The following PHF3 variants were observed in gnomAD, a reference collection of about 807,000 sequenced individuals.
The protein encoded by PHF3 is PHD finger protein 3.
A neutral mutation model predicts 178.4 loss-of-function variants in PHF3; 41 were observed. That is an observed-to-expected ratio of 0.23 (90% CI 0.18 to 0.30). The LOEUF (loss-of-function observed/expected upper bound fraction) is 0.30, where lower values mean the gene tolerates loss of function less well. PHF3 is among the 10% of genes least tolerant of loss of function. The pLI is 1.00. For synonymous variants in PHF3, 842 were observed against 800.5 expected (o/e 1.05, Z -0.88); for missense variants, 2,346 against 2,398.1 (o/e 0.98, Z 0.45).
chr6:63,642,716 A>C (rs1480786895), intron 1 of PHF3, among the ~76,000 whole-genome samples: 2 of 152,132 alleles, frequency 1.3e-5, no homozygotes, highest in Non-Finnish European at 2.9e-5. Flanking sequence ...TGGGCTTCCT[A>C]TGTTTTATTA....
Position 63,703,688 on chromosome 6 carries a change from C to T in PHF3, c.3367+17C>T, listed in dbSNP as rs1287436525. On this transcript the variant is annotated intron_variant, in intron 11 of 15. Transcript: ENST00000262043. Reference sequence around the variant, plus strand: ...TCTGCATAGGTAATTGGAAGTTTTTCTTCGTAAAATTTTGCATTCATTATG... The same window carrying T: ...TCTGCATAGGTAATTGGAAGTTTTTTTTCGTAAAATTTTGCATTCATTATG... 1 of 1,581,234 alleles carries T rather than the reference C, an allele frequency of 6.3e-7. No individual in the cohort carries two copies. The highest frequency in any genetic ancestry group is 2.3e-5 in the East Asian group (1 of 43,592).
At position 63,655,040 on chromosome 6, in the gene PHF3, T is replaced by C. The variant is rs1197984; in HGVS notation, c.244+8245T>C. Reference sequence around the variant, plus strand: ...TGCCTAGTTGTTGGGACTACAGGTGTGTGCTGCCACGCCCTGCTAATTATT... The same window carrying C: ...TGCCTAGTTGTTGGGACTACAGGTGCGTGCTGCCACGCCCTGCTAATTATT... On this transcript the variant is annotated intron_variant, in intron 2 of 15. Coordinates refer to ENST00000262043, the MANE Select transcript of PHF3 (RefSeq NM_001370348.2). 6.4e-3 allele frequency among the ~76,000 whole-genome samples: 965 copies of C among 151,964 alleles called. 9 individuals are homozygous for C. The highest frequency in any genetic ancestry group is 0.022 in the African/African-American group (902 of 41,456).
At position 63,725,563 on chromosome 6, in the gene PHF3, T is replaced by G. The variant is rs546455410; in HGVS notation, c.*11855T>G. ...TTGACATTTTCACAGGGAGATTTAA[T>G]CATGAATTTAAAACCAAATATCTCA... is the stretch of plus-strand genomic sequence containing the variant. On this transcript the variant is annotated 3_prime_UTR_variant, in exon 16 of 16. Transcript: ENST00000262043. Among the ~76,000 whole-genome samples, 93 of 152,274 alleles carry G rather than the reference T, an allele frequency of 6.1e-4. No homozygotes were observed. The highest frequency in any genetic ancestry group is 1.2e-3 in the Non-Finnish European group (81 of 67,984).
At chr6:63,679,359 G>C (rs1289839579) in intron 2 of PHF3, among the ~76,000 whole-genome samples, 1 of 151,880 alleles carries the variant, frequency 6.6e-6, no homozygotes, top group African/African-American at 2.4e-5. Flanking sequence ...TCTCTCTTTT[G>C]ACTAGGAGAA....
chr6:63,680,302 A>AT, intron 3 of PHF3, 141 bp downstream of exon 3: 1 of 673,332 alleles, frequency 1.5e-6, no homozygotes, highest in Non-Finnish European at 2.3e-6. Context: ...TTTTGAGATC[A>AT]TATCAATTTG....
rs1402503995 is a variant in PHF3 at position 63,712,423 on chromosome 6, A to G, written c.4835A>G (p.Asn1612Ser). Residue 1612 changes from asparagine to serine, a missense_variant, in exon 16 of 16, where the codon AAT becomes AGT. Asn to Ser is a conservative substitution (Grantham distance 46, BLOSUM62 1). Transcript: ENST00000262043. ...AATTTGCAAGATAACCAGACTTCAAATAGTTCTCCATGCAGATCTAATGTA... is the reference window on the plus strand; with the variant it reads ...AATTTGCAAGATAACCAGACTTCAAGTAGTTCTCCATGCAGATCTAATGTA... ...ENNLQDNQTS[N>S]SSPCRSNVGK... The G allele has an allele frequency of 3.1e-6, 5 of 1,614,002 alleles. No homozygotes were observed. The South Asian group carries it at 4.4e-5, about 14-fold the overall frequency.
At position 63,712,355 on chromosome 6, in the gene PHF3, A is replaced by G. The variant is rs1767983179; in HGVS notation, c.4767A>G (p.Lys1589=). The G allele has an allele frequency of 3.7e-6, 6 of 1,613,754 alleles. No individual in the cohort carries two copies. The highest frequency in any genetic ancestry group is 5.1e-6 in the Non-Finnish European group (6 of 1,179,920). The change falls in exon 16 of 16, where the codon AAA becomes AAG. Residue 1589 remains lysine, a synonymous_variant. Transcript: ENST00000262043. The stretch of plus-strand genomic sequence containing the variant: ...AACAAGAGGAAACTGTGGAGAGTAA[A>G]GAGAAAACATTAAAAAGACAGCTTC... ...QSKQEETVES[K]EKTLKRQLQE...
At position 63,712,507 on chromosome 6, in the gene PHF3, C is replaced by T. The variant is rs377278683; in HGVS notation, c.4919C>T (p.Ala1640Val). 46 of 1,613,656 alleles carry T rather than the reference C, an allele frequency of 2.9e-5. No individual in the cohort carries two copies. The highest frequency in any genetic ancestry group is 3.4e-5 in the Non-Finnish European group (40 of 1,179,902). ...SCSENLVANTARSPQFINLKR... is the reference protein window; with the variant it reads ...SCSENLVANTVRSPQFINLKR... ...AGTGAAAACCTTGTTGCTAATACAGCGAGGTCTCCACAGTTTATCAACCTG... is the reference window on the plus strand; with the variant it reads ...AGTGAAAACCTTGTTGCTAATACAGTGAGGTCTCCACAGTTTATCAACCTG... Residue 1640 changes from alanine to valine, a missense_variant, in exon 16 of 16, where the codon GCG becomes GTG. By Grantham distance (64) the Ala-to-Val change is moderately conservative. Coordinates refer to ENST00000262043, the MANE Select transcript of PHF3 (RefSeq NM_001370348.2).
intron 2 of PHF3, among the ~76,000 whole-genome samples, chr6:63,671,533 T>C (rs960027564): frequency 4.6e-5 from 7 of 152,198 alleles, no homozygotes; most frequent in Non-Finnish European, 7.3e-5. Flanking sequence ...CTCTCAAACA[T>C]TGAGAGTAGC....
rs1270198704 is a variant in PHF3, at chr6:63,720,601, T to TAA, written c.*6894_*6895dup. The TAA allele has an allele frequency of 1.4e-6, 2 of 1,473,974 alleles. No homozygotes were observed. The highest frequency in any genetic ancestry group is 1.8e-6 in the Non-Finnish European group (2 of 1,108,240). 91.3% of individuals were successfully genotyped at this position (1,473,974 alleles called of 1,614,324 possible). A position where few individuals can be genotyped will look rare whatever the true frequency, so the allele number is the denominator to read the frequency against. ...CTAAAATCTCTAGTGTTAACTTATGTAACCTCATTTTGTTCATCTCCATCA... is the reference window on the plus strand; with the variant it reads ...CTAAAATCTCTAGTGTTAACTTATGTAAAACCTCATTTTGTTCATCTCCATCA... On this transcript the variant is annotated 3_prime_UTR_variant, in exon 16 of 16. Coordinates refer to ENST00000262043, the MANE Select transcript of PHF3 (RefSeq NM_001370348.2).
In PHF3 at chr6:63,713,056, T is replaced by G. The variant is rs1197230366; in HGVS notation, c.5468T>G (p.Phe1823Cys). ...TTTCCATTTCCAGGGCCTCCTAATT[T>G]TCCCCCACAAAGCATGTTTGGATTT... is the stretch of plus-strand genomic sequence containing the variant. ...PGFPFPGPPN[F>C]PPQSMFGFPP... The change falls in exon 16 of 16, where the codon TTT becomes TGT. Residue 1823 changes from phenylalanine (F) to cysteine (C), a missense_variant. Phe to Cys is a radical substitution (Grantham distance 205). This residue lies in a region of PHF3 where 839 missense variants were observed against 806.9 expected (regional missense o/e 1.04). Coordinates refer to ENST00000262043, the MANE Select transcript of PHF3 (RefSeq NM_001370348.2). The G allele has an allele frequency of 6.2e-7, 1 of 1,613,974 alleles. No homozygotes were observed. The highest frequency in any genetic ancestry group is 8.5e-7 in the Non-Finnish European group (1 of 1,179,984).
At chr6:63,657,347 C>G (rs1030677863) in intron 2 of PHF3, among the ~76,000 whole-genome samples, 4 of 152,110 alleles carry the variant, frequency 2.6e-5, no homozygotes, top group Non-Finnish European at 4.4e-5. Context: ...TCTTTGCATT[C>G]AGAAATTCGC....
rs770415060 is a variant in PHF3, at chr6:63,698,208, A to G, written c.2681-15A>G. ...TAAAAGCAATGTAATGAGTTTCGAT[A>G]TTTATTCAAATTAGGTACTCATGAG... On this transcript the variant is annotated splice_polypyrimidine_tract_variant and intron_variant, in intron 6 of 15. Coordinates refer to ENST00000262043, the MANE Select transcript of PHF3 (RefSeq NM_001370348.2). 1 of 1,586,724 alleles carries G rather than the reference A, an allele frequency of 6.3e-7. No homozygotes were observed. Among genetic ancestry groups the G allele is most frequent in the Non-Finnish European group, 8.6e-7 (1 of 1,162,448 alleles).
chr6:63,665,486 G>GTTTTTTTTTTTTTTTTT (rs11427203), intron 2 of PHF3, among the ~76,000 whole-genome samples: 1 of 111,218 alleles, frequency 9.0e-6, no homozygotes, highest in African/African-American at 3.5e-5. Flanking sequence ...GTTTTTTTTT[G>GTTTTTTTTTTTTTTTTT]TTTTTTTTTT....
intron 8 of PHF3, among the ~76,000 whole-genome samples, chr6:63,699,118 T>C (rs1469886788): frequency 2.6e-5 from 4 of 152,198 alleles, no homozygotes; most frequent in Non-Finnish European, 5.9e-5. Flanking sequence ...TAAATGTTAA[T>C]TAAACCCCTA....
intron 2 of PHF3, among the ~76,000 whole-genome samples, chr6:63,659,541 C>A (rs905437196): frequency 3.3e-5 from 5 of 152,178 alleles, no homozygotes; most frequent in Non-Finnish European, 7.3e-5. Flanking sequence ...TGCAAAACTA[C>A]TTTGCTAGCT....
At chr6:63,696,977 G>T (rs1767256290) in intron 6 of PHF3, among the ~76,000 whole-genome samples, 1 of 152,098 alleles carries the variant, frequency 6.6e-6, no homozygotes, top group Admixed American at 6.5e-5. Flanking sequence ...TGCCGTAGTA[G>T]TTAGAAGTGG....
In PHF3 at chr6:63,712,012, G is replaced by A. The variant is rs1421056645; in HGVS notation, c.4424G>A (p.Gly1475Asp). The change falls in exon 16 of 16, where the codon GGC (glycine) becomes GAC (aspartate). Residue 1475 changes from glycine to aspartate, a missense_variant. Physicochemically the swap from Gly to Asp is moderately conservative, Grantham distance 94 (BLOSUM62 -1). Transcript: ENST00000262043. ...PVDDILQSLL[G>D]TTGQVYDQAQ... ...GATGATATACTTCAAAGCCTTTTGG[G>A]CACCACTGGTCAAGTATATGACCAG... 1 of 1,613,494 alleles carries A rather than the reference G, an allele frequency of 6.2e-7. No individual in the cohort carries two copies. The highest frequency in any genetic ancestry group is 8.5e-7 in the Non-Finnish European group (1 of 1,179,914).
chr6:63,638,232 T>C (rs1318732005), intron 1 of PHF3, among the ~76,000 whole-genome samples: 6 of 152,156 alleles, frequency 3.9e-5, no homozygotes, highest in Non-Finnish European at 8.8e-5. Flanking sequence ...CTTTGACTTA[T>C]GTAATGTATT....
Sources: gnomAD v4.1 joint callset for allele counts (sites outside exome capture counted in the v4.1 genomes callset) on GRCh38, gnomAD v4.1.1 for gene constraint, gnomAD v4.1.1 regional missense constraint, MANE v1.5 for transcripts, NCBI Gene and HGNC (gene_info 2026-07-23, HGNC 2026-07-21) for gene names.